The following LMX1B variants were observed in gnomAD, a reference collection of about 807,000 sequenced individuals.
LMX1B encodes LIM homeobox transcription factor 1 beta.
LMX1B carries 12 observed loss-of-function variants against 51.4 expected under a neutral mutation model. That is an observed-to-expected ratio of 0.23 (90% CI 0.15 to 0.38). The LOEUF (loss-of-function observed/expected upper bound fraction) is 0.38. Ranked by LOEUF, LMX1B falls within the 10% of genes least tolerant of loss-of-function variation. The probability of loss-of-function intolerance (pLI) is 1.00; values close to 1 mark genes in which losing one functional copy is unlikely to be tolerated. For synonymous variants in LMX1B, 237 were observed against 235.4 expected (o/e 1.01, Z -0.06); for missense variants, 445 against 571.1 (o/e 0.78, Z 2.25).
At chr9:126,614,696 G>A (rs2118820172) in intron 1 of LMX1B, 108 bp downstream of exon 1, 1 of 1,223,610 alleles carries the variant, frequency 8.2e-7, no homozygotes, top group South Asian at 1.7e-5. Flanking sequence ...GGGTTTGCAG[G>A]ACATGGGGAG....
intron 3 of LMX1B, among the ~76,000 whole-genome samples, chr9:126,692,723 CCA>C (rs2118990649): frequency 6.6e-6 from 1 of 152,354 alleles, no homozygotes; most frequent in East Asian, 1.9e-4. Context: ...TCGTGTATGT[CCA>C]CACAGCCATG....
Position 126,693,746 on chromosome 9 carries a change from A to T in LMX1B, c.820A>T (p.Met274Leu). Residue 274 changes from methionine to leucine, a missense_variant and splice_region_variant, in exon 6 of 8, where the codon ATG (methionine) becomes TTG (leucine). Coordinates refer to ENST00000373474, the MANE Select transcript of LMX1B (RefSeq NM_001174147.2). Reference sequence around the variant, plus strand: ...GGCCTGAACTGCGCTCTCCCTGCAGATGAAGAAGCTGGCGCGGCGGCACCA... The same window carrying T: ...GGCCTGAACTGCGCTCTCCCTGCAGTTGAAGAAGCTGGCGCGGCGGCACCA... The part of the protein sequence containing the change: ...QVWFQNQRAK[M>L]KKLARRHQQQ... The T allele has an allele frequency of 6.4e-7, 1 of 1,560,178 alleles. No individual in the cohort carries two copies. Among genetic ancestry groups the T allele is most frequent in the Non-Finnish European group, 8.7e-7 (1 of 1,153,524 alleles).
intron 2 of LMX1B, among the ~76,000 whole-genome samples, chr9:126,676,267 G>A (rs550088693): frequency 7.9e-5 from 12 of 152,140 alleles, no homozygotes; most frequent in African/African-American, 2.9e-4. Context: ...TCCTTGCCTG[G>A]CTGATCGCCC....
At chr9:126,681,674 G>A (rs184032780) in intron 2 of LMX1B, among the ~76,000 whole-genome samples, 2 of 152,228 alleles carry the variant, frequency 1.3e-5, no homozygotes, top group Admixed American at 1.3e-4. Flanking sequence ...GCTGAGGTGG[G>A]TGGATAATTT....
At chr9:126,693,858 C>A (rs781308466) in intron 6 of LMX1B, 46 bp downstream of exon 6, 1 of 932,622 alleles carries the variant, frequency 1.1e-6, no homozygotes, top group South Asian at 1.4e-5. Context: ...GAGCTGGGGC[C>A]GGGGCCAGGG....
At chr9:126,688,430 G>A (rs1490494031) in intron 2 of LMX1B, among the ~76,000 whole-genome samples, 5 of 152,234 alleles carry the variant, frequency 3.3e-5, no homozygotes, top group Non-Finnish European at 7.3e-5. Context: ...GCAGCGACAC[G>A]GCCAGTGTCT....
In LMX1B at chr9:126,693,218, C is replaced by T. The variant is rs1024780418; in HGVS notation, c.636C>T (p.Asp212=). The T allele has an allele frequency of 8.1e-6, 13 of 1,609,838 alleles. No individual in the cohort carries two copies. Among genetic ancestry groups the T allele is most frequent in the South Asian group, 4.4e-5 (4 of 90,124 alleles). The part of the protein sequence containing the change: ...QGSQSKGSGD[D]GKDPRRPKRP... ...GTCAGAGCAAGGGCAGCGGGGATGA[C>T]GGGAAGGACCCGCGGAGGCCCAAGC... Residue 212 remains aspartate (D), a synonymous_variant, in exon 4 of 8, where the codon GAC becomes GAT. Coordinates refer to ENST00000373474, the MANE Select transcript of LMX1B (RefSeq NM_001174147.2).
chr9:126,644,686 A>G (rs1835868730), intron 2 of LMX1B, among the ~76,000 whole-genome samples: 1 of 152,106 alleles, frequency 6.6e-6, no homozygotes, highest in Non-Finnish European at 1.5e-5. Context: ...TGAGAACTCT[A>G]CTTTGCCACT....
chr9:126,669,177 G>A (rs556016095), intron 2 of LMX1B, among the ~76,000 whole-genome samples: 13 of 152,336 alleles, frequency 8.5e-5, no homozygotes, highest in South Asian at 2.1e-4. Context: ...CATTCCATGC[G>A]GCGAGGGTGC....
intron 3 of LMX1B, 54 bp downstream of exon 3, chr9:126,691,122 G>T: frequency 1.4e-6 from 2 of 1,421,118 alleles, no homozygotes; most frequent in Non-Finnish European, 1.9e-6. Flanking sequence ...TTGCTGGGGT[G>T]TCCTGGAGGG....
In LMX1B at chr9:126,658,664, C is replaced by G. The variant is rs750910710; in HGVS notation, c.327-32172C>G. Among the ~76,000 whole-genome samples, 1 of 152,180 alleles carries G rather than the reference C, an allele frequency of 6.6e-6. No individual in the cohort carries two copies. Among genetic ancestry groups the G allele is most frequent in the Non-Finnish European group, 1.5e-5 (1 of 68,036 alleles). ...TCATAAATAGTTAGGGGAAGGCCCC[C>G]GAACGAGGCAGCTTTATAAATGGCT... On this transcript the variant is annotated intron_variant, in intron 2 of 7. Transcript: ENST00000373474. The surrounding 1 kb of genome is among the most constrained non-coding windows in gnomAD (Gnocchi z 4.0).
intron 2 of LMX1B, among the ~76,000 whole-genome samples, chr9:126,622,173 CAGCCCTGGACGAAT>C (rs1835428753): frequency 6.6e-6 from 1 of 152,264 alleles, no homozygotes; most frequent in South Asian, 2.1e-4. Flanking sequence ...TGGCTCGGAC[CAGCCCTGGACGAAT>C]GTCCTGGCTG....
chr9:126,646,414 A>G (rs1835903051), intron 2 of LMX1B, among the ~76,000 whole-genome samples: 1 of 151,756 alleles, frequency 6.6e-6, no homozygotes, highest in Non-Finnish European at 1.5e-5. Flanking sequence ...CCATCCATCC[A>G]TCCATCCATC....
Position 126,699,217 on chromosome 9 carries a change from G to T in LMX1B, c.*2766G>T, listed in dbSNP as rs2030454833. The T allele has an allele frequency of 6.6e-6, 1 of 152,284 alleles. No individual in the cohort carries two copies. Among genetic ancestry groups the T allele is most frequent in the South Asian group, 2.1e-4 (1 of 4,830 alleles). 9.4% of individuals were successfully genotyped at this position (152,284 alleles called of 1,614,324 possible). A position where few individuals can be genotyped will look rare whatever the true frequency, so the allele number is the denominator to read the frequency against. On this transcript the variant is annotated 3_prime_UTR_variant, in exon 8 of 8. Transcript: ENST00000373474. Reference sequence around the variant, plus strand: ...TTATTTTATAGTTGGAAACCCTGAGGCAAGAGAGGGAAAGAGGCCTGTCCA... The same window carrying T: ...TTATTTTATAGTTGGAAACCCTGAGTCAAGAGAGGGAAAGAGGCCTGTCCA...
intron 2 of LMX1B, among the ~76,000 whole-genome samples, chr9:126,690,225 G>A (rs563536178): frequency 6.6e-6 from 1 of 152,340 alleles, no homozygotes; most frequent in African/African-American, 2.4e-5. Context: ...CCATGGAAGA[G>A]TCTGGAGCAG....
chr9:126,695,735 TG>T lies in LMX1B; in HGVS notation c.887-100del, dbSNP rs1460459973. The T allele has an allele frequency of 7.6e-7, 1 of 1,314,194 alleles. No homozygotes were observed. The highest frequency in any genetic ancestry group is 1.1e-6 in the Non-Finnish European group (1 of 932,118). 81.4% of individuals were successfully genotyped at this position (1,314,194 alleles called of 1,614,324 possible). ...AGTGTCTGGACAGCTTCAGCCAGAG[TG>T]GGGTGCCTGGGGAGTCCCAAGGAGA... is the stretch of plus-strand genomic sequence containing the variant. On this transcript the variant is annotated intron_variant, in intron 6 of 7. Coordinates refer to ENST00000373474, the MANE Select transcript of LMX1B (RefSeq NM_001174147.2). The surrounding 1 kb of genome is among the most constrained non-coding windows in gnomAD (Gnocchi z 5.2).
At chr9:126,678,328 A>C (rs1291554098) in intron 2 of LMX1B, among the ~76,000 whole-genome samples, 4 of 108,572 alleles carry the variant, frequency 3.7e-5, no homozygotes, top group Non-Finnish European at 3.6e-5. Context: ...AAAACAAAAA[A>C]CAAAAAAAAA....
intron 2 of LMX1B, among the ~76,000 whole-genome samples, chr9:126,676,475 A>ACTC (rs1225166634): frequency 6.6e-6 from 1 of 152,216 alleles, no homozygotes; most frequent in African/African-American, 2.4e-5. Flanking sequence ...GAAGAGGAGG[A>ACTC]TACCCTGGGA....
At chr9:126,645,488 G>A (rs1362354915) in intron 2 of LMX1B, among the ~76,000 whole-genome samples, 2 of 152,246 alleles carry the variant, frequency 1.3e-5, no homozygotes, top group Non-Finnish European at 2.9e-5. Flanking sequence ...TTCCCAAGCT[G>A]AGCACAGACT....
Sources: allele counts gnomAD v4.1 joint callset (sites outside exome capture counted in the v4.1 genomes callset), GRCh38; gene constraint gnomAD v4.1.1; non-coding constraint Gnocchi (gnomAD v3.1); transcripts MANE v1.5; gene names NCBI Gene and HGNC (gene_info 2026-07-23, HGNC 2026-07-21).